The following SGCD variants were observed in gnomAD, a reference collection of about 807,000 sequenced individuals.
SGCD encodes the protein delta-sarcoglycan.
In SGCD, 18 loss-of-function variants were observed where a neutral mutation model predicts 36.6. That is an observed-to-expected ratio of 0.49 (90% CI 0.34 to 0.73). The LOEUF is 0.73. Ranked by LOEUF, SGCD falls within the 30% of genes least tolerant of loss-of-function variation. SGCD has a pLI of 0.01. For synonymous variants in SGCD, 133 were observed against 130.6 expected, an observed-to-expected ratio of 1.02 and a Z score of -0.12; for missense variants, 387 against 346.7, an observed-to-expected ratio of 1.12 and a Z score of -0.92.
intron 1 of SGCD, among the ~76,000 whole-genome samples, chr5:156,080,506 G>A (rs529981746): frequency 6.6e-6 from 1 of 152,302 alleles, no homozygotes; most frequent in South Asian, 2.1e-4. Context: ...CTGTTTAAAT[G>A]TAAAGTCTAA....
intron 3 of SGCD, among the ~76,000 whole-genome samples, chr5:156,174,089 A>G (rs1327798908): frequency 6.6e-6 from 1 of 152,160 alleles, no homozygotes; most frequent in African/African-American, 2.4e-5. Flanking sequence ...ACTATTTATT[A>G]AGTGTTTACT....
intron 1 of SGCD, among the ~76,000 whole-genome samples, chr5:155,914,931 A>G (rs2113364128): frequency 6.6e-6 from 1 of 152,332 alleles, no homozygotes; most frequent in Middle Eastern, 3.4e-3. Flanking sequence ...AACCCTGGAT[A>G]TGTATTATGA....
rs532869399 is a variant in SGCD at position 156,459,016 on chromosome 5, T to A, written c.193-49585T>A. On this transcript the variant is annotated intron_variant, in intron 3 of 8. Transcript: ENST00000337851. Reference sequence around the variant, plus strand: ...CCTTTCAAAGAATATTGTAATTATCTTATTTTTCATTCAACAGAAACCATC... The same window carrying A: ...CCTTTCAAAGAATATTGTAATTATCATATTTTTCATTCAACAGAAACCATC... Among the ~76,000 whole-genome samples the A allele has an allele frequency of 8.9e-4, 136 of 152,308 alleles. 1 individual carries two copies. The highest frequency in any genetic ancestry group is 3.2e-3 in the African/African-American group (132 of 41,570).
intron 3 of SGCD, among the ~76,000 whole-genome samples, chr5:156,268,564 CTCCTTCCT>C (rs57057008): frequency 0.21 from 31,998 of 149,422 alleles, 3,782 homozygotes; most frequent in Admixed American, 0.27. Context: ...TTTTGATTTG[CTCCTTCCT>C]TCCTTCCTTC....
At chr5:156,721,100 C>T (rs185410380) in intron 7 of SGCD, among the ~76,000 whole-genome samples, 16 of 152,238 alleles carry the variant, frequency 1.1e-4, no homozygotes, top group South Asian at 6.2e-4. Flanking sequence ...ACAGCGGAAA[C>T]GGGGAAGGCT....
chr5:156,572,242 C>G (rs956658906), intron 4 of SGCD, among the ~76,000 whole-genome samples: 16 of 151,934 alleles, frequency 1.1e-4, no homozygotes, highest in Admixed American at 9.2e-4. Flanking sequence ...TATCTGTTTC[C>G]AATTCTTTCT....
chr5:156,041,617 C>T (rs1234114407), intron 1 of SGCD, among the ~76,000 whole-genome samples: 1 of 152,126 alleles, frequency 6.6e-6, no homozygotes, highest in Non-Finnish European at 1.5e-5. Flanking sequence ...GAACTCTAGA[C>T]TTGGTGTGTC....
At chr5:156,567,360 G>A (rs1182520357) in intron 4 of SGCD, among the ~76,000 whole-genome samples, 1 of 145,730 alleles carries the variant, frequency 6.9e-6, no homozygotes, top group African/African-American at 2.6e-5. Context: ...AGGGAGGGAG[G>A]GAGGGATGGA....
At chr5:155,955,269 G>T (rs548252991) in intron 1 of SGCD, among the ~76,000 whole-genome samples, 1 of 152,086 alleles carries the variant, frequency 6.6e-6, no homozygotes, top group African/African-American at 2.4e-5. Context: ...GACACACTCC[G>T]TAAGTATTTG....
intron 3 of SGCD, among the ~76,000 whole-genome samples, chr5:156,430,754 A>G (rs1253248237): frequency 6.6e-6 from 1 of 151,768 alleles, no homozygotes; most frequent in African/African-American, 2.4e-5. Flanking sequence ...AAAACTTTGT[A>G]TGTGTTTCTT....
At chr5:156,501,990 C>G (rs1756474791) in intron 3 of SGCD, among the ~76,000 whole-genome samples, 1 of 151,236 alleles carries the variant, frequency 6.6e-6, no homozygotes, top group Non-Finnish European at 1.5e-5. Context: ...AAGATATTGT[C>G]TGTTTTTCTA....
At chr5:156,458,231 A>T (rs939443926) in intron 3 of SGCD, among the ~76,000 whole-genome samples, 1 of 152,174 alleles carries the variant, frequency 6.6e-6, no homozygotes, top group Non-Finnish European at 1.5e-5. Flanking sequence ...GGACAACTCT[A>T]TGTACATGCC....
At chr5:156,409,895 C>T (rs56081002) in intron 3 of SGCD, among the ~76,000 whole-genome samples, 1 of 152,124 alleles carries the variant, frequency 6.6e-6, no homozygotes, top group South Asian at 2.1e-4. Flanking sequence ...TTTTTCTTTC[C>T]TCCAGTCTTC....
rs149462712 is a variant in SGCD, at chr5:156,139,469, T to TA, written c.-44+15451dup. 6.4e-3 allele frequency among the ~76,000 whole-genome samples: 975 copies of TA among 152,310 alleles called. 4 individuals carry two copies. The highest frequency in any genetic ancestry group is 0.022 in the African/African-American group (922 of 41,570). On this transcript the variant is annotated intron_variant, in intron 3 of 9. Transcript: ENST00000517913. ...GGTAGGCTTGTTTCTCTGCTTCTCTTACCTCCAATATTAGCACCTGGCTCC... is the reference window on the plus strand; with the variant it reads ...GGTAGGCTTGTTTCTCTGCTTCTCTTAACCTCCAATATTAGCACCTGGCTCC...
intron 7 of SGCD, among the ~76,000 whole-genome samples, chr5:156,648,115 A>G (rs1477585557): frequency 3.9e-5 from 6 of 152,122 alleles, no homozygotes; most frequent in Non-Finnish European, 7.4e-5. Context: ...ACAGACAGAG[A>G]GCCTGAAAAC....
intron 3 of SGCD, among the ~76,000 whole-genome samples, chr5:156,377,507 T>G (rs1374055814): frequency 6.6e-6 from 1 of 152,222 alleles, no homozygotes; most frequent in African/African-American, 2.4e-5. Flanking sequence ...TAAATAATGT[T>G]AAGCTCCATG....
chr5:155,825,384 A>G, the SGCD span, among the ~76,000 whole-genome samples: 8,170 of 152,170 alleles, frequency 0.054, 498 homozygotes, highest in African/African-American at 0.15. Context: ...ACTAGAACAT[A>G]TGTTCAGTGG....
chr5:156,166,453 A>G (rs2127620264), intron 3 of SGCD, among the ~76,000 whole-genome samples: 1 of 152,160 alleles, frequency 6.6e-6, no homozygotes, highest in East Asian at 1.9e-4. Flanking sequence ...AGTAGCTGGG[A>G]CTACAGATGC....
chr5:156,656,448 G>C lies in SGCD; in HGVS notation c.575+8912G>C, dbSNP rs115546887. On this transcript the variant is annotated intron_variant, in intron 7 of 8. Transcript: ENST00000337851. Reference sequence around the variant, plus strand: ...GTTTTGATTGAAAGAAGAGAGAAGAGAGAAAAGGTAAAAACCAACAAATAG... The same window carrying C: ...GTTTTGATTGAAAGAAGAGAGAAGACAGAAAAGGTAAAAACCAACAAATAG... 2.0e-3 allele frequency among the ~76,000 whole-genome samples: 300 copies of C among 152,176 alleles called. 2 individuals are homozygous for C. Among genetic ancestry groups the C allele is most frequent in the Middle Eastern group, 0.014 (4 of 294 alleles).
Sources: allele counts gnomAD v4.1 joint callset (sites outside exome capture counted in the v4.1 genomes callset), GRCh38; gene constraint gnomAD v4.1.1; transcripts MANE v1.5; gene names NCBI Gene and HGNC (gene_info 2026-07-23, HGNC 2026-07-21).